The following GLCE variants were observed in gnomAD, a reference collection of about 807,000 sequenced individuals.
GLCE encodes D-glucuronyl C5-epimerase.
In GLCE, 19 loss-of-function variants were observed where a neutral mutation model predicts 47.9. The observed-to-expected ratio is 0.40, with a 90% CI of 0.28 to 0.58. The LOEUF (loss-of-function observed/expected upper bound fraction) is 0.58. Among genes scored for constraint, GLCE ranks in the 20% least tolerant of loss-of-function variants. GLCE has a pLI of 0.48. For missense variants in GLCE, 556 were observed against 743.3 expected, an observed-to-expected ratio of 0.75 and a Z score of 2.93; for synonymous variants, 245 against 263.4, an observed-to-expected ratio of 0.93 and a Z score of 0.68.
chr15:69,263,877 A>G (rs1286953468), intron 4 of GLCE, among the ~76,000 whole-genome samples: 1 of 151,854 alleles, frequency 6.6e-6, no homozygotes, highest in Non-Finnish European at 1.5e-5. Context: ...TTTTTTTCCC[A>G]GCTTTATTGA....
Position 69,194,984 on chromosome 15 carries a change from GA to G in GLCE, c.-104-15331del, listed in dbSNP as rs2051965848. Reference sequence around the variant, plus strand: ...GTTGTGAAAGAAAATAGTGAACTTGGATTCAAAAAAACCTAATTATAGTTCA... The same window carrying G: ...GTTGTGAAAGAAAATAGTGAACTTGGTTCAAAAAAACCTAATTATAGTTCA... On this transcript the variant is annotated intron_variant, in intron 1 of 4. Transcript: ENST00000261858. 2.0e-5 allele frequency among the ~76,000 whole-genome samples: 3 copies of G among 151,974 alleles called. 1 individual carries two copies. The South Asian group carries it at 6.2e-4, about 32-fold the overall frequency.
chr15:69,236,526 G>A (rs1417529645), intron 2 of GLCE, among the ~76,000 whole-genome samples: 2 of 152,170 alleles, frequency 1.3e-5, no homozygotes, highest in African/African-American at 2.4e-5. Context: ...ACTGGACTAA[G>A]ATAAATTTGG....
At chr15:69,205,716 A>C (rs959863029) in intron 1 of GLCE, among the ~76,000 whole-genome samples, 1 of 151,932 alleles carries the variant, frequency 6.6e-6, no homozygotes, top group African/African-American at 2.4e-5. Flanking sequence ...CCTGATAATG[A>C]GTTTCATTTT....
At chr15:69,234,667 CAG>C (rs1216346194) in intron 2 of GLCE, among the ~76,000 whole-genome samples, 2 of 152,102 alleles carry the variant, frequency 1.3e-5, no homozygotes, top group East Asian at 1.9e-4. Context: ...TAAAAACCAA[CAG>C]AAAGTATCTA....
intron 1 of GLCE, among the ~76,000 whole-genome samples, chr15:69,181,223 T>C (rs1312344514): frequency 6.6e-6 from 1 of 152,220 alleles, no homozygotes; most frequent in Non-Finnish European, 1.5e-5. Context: ...TTAGGTATTC[T>C]AAGTGAGATG....
chr15:69,172,654 G>A (rs774879677), intron 1 of GLCE, among the ~76,000 whole-genome samples: 38 of 152,130 alleles, frequency 2.5e-4, no homozygotes, highest in African/African-American at 4.3e-4. Context: ...AGTTACATAG[G>A]TAGGTGGATT....
chr15:69,211,345 G>C (rs1001821323), intron 2 of GLCE, among the ~76,000 whole-genome samples: 1 of 151,950 alleles, frequency 6.6e-6, no homozygotes, highest in Non-Finnish European at 1.5e-5. Flanking sequence ...AATTTAAACT[G>C]AACAAATAAT....
intron 3 of GLCE, 113 bp downstream of exon 3, chr15:69,256,505 C>A (rs189552447): frequency 2.6e-6 from 2 of 766,072 alleles, no homozygotes; most frequent in Admixed American, 2.5e-5. Context: ...GACCTTTCAT[C>A]ACTCTAATTT....
At chr15:69,227,012 T>A (rs1028429713) in intron 2 of GLCE, among the ~76,000 whole-genome samples, 3 of 152,130 alleles carry the variant, frequency 2.0e-5, no homozygotes, top group Admixed American at 1.3e-4. Context: ...CCCAAAGTGC[T>A]GGAATTACAG....
chr15:69,167,398 A>G (rs1473635947), intron 1 of GLCE, among the ~76,000 whole-genome samples: 2 of 152,222 alleles, frequency 1.3e-5, no homozygotes, highest in East Asian at 3.9e-4. Flanking sequence ...ATCATGACAC[A>G]TGGAGACACG....
chr15:69,189,056 T>G (rs77015137), intron 1 of GLCE, among the ~76,000 whole-genome samples: 1 of 152,306 alleles, frequency 6.6e-6, no homozygotes, highest in East Asian at 1.9e-4. Context: ...GTCCATAATT[T>G]ACATTGGGGT....
At chr15:69,164,243 A>C (rs910678564) in intron 1 of GLCE, among the ~76,000 whole-genome samples, 1 of 152,054 alleles carries the variant, frequency 6.6e-6, no homozygotes, top group Non-Finnish European at 1.5e-5. Flanking sequence ...TCATTATTAC[A>C]CTGCTGAAAA....
In GLCE at chr15:69,268,966, G is replaced by T. The variant is rs925086202; in HGVS notation, c.1576G>T (p.Ala526Ser). 1.9e-6 allele frequency: 3 copies of T among 1,614,066 alleles called. No individual in the cohort carries two copies. Among genetic ancestry groups the T allele is most frequent in the Non-Finnish European group, 1.7e-6 (2 of 1,180,024 alleles). The change falls in exon 5 of 5, where the codon GCA becomes TCA. Residue 526 changes from alanine to serine, a missense_variant. By Grantham distance (99) the Ala-to-Ser change is moderately conservative. Around this residue, in one of 3 missense-constraint regions of GLCE, gnomAD observed 245 missense variants for 368.1 expected, o/e 0.67. Coordinates refer to ENST00000261858, the MANE Select transcript of GLCE (RefSeq NM_015554.3). ...TGGGCTGTATGACTTAAAAGAAACT[G>T]CAGGGGAAAAACTCGGAAAAGAAGC... ...LIGLYDLKET[A>S]GEKLGKEARS... is the part of the protein sequence containing the mutation.
At chr15:69,255,709 A>C (rs1461213766) in intron 2 of GLCE, 85 bp from the exon 3 acceptor site, 5 of 591,064 alleles carry the variant, frequency 8.5e-6, no homozygotes, top group Admixed American at 3.6e-5. Flanking sequence ...TTCAACATTA[A>C]AAAAAAAAAA....
rs2051496435 is a variant in GLCE at position 69,166,010 on chromosome 15, C to G, written c.-105+5253C>G. ...TACACTGTTAAACTTGCAGAAAAGT[C>G]TTGTAGAATTTTGAGGCAACTACTA... On this transcript the variant is annotated intron_variant, in intron 1 of 4. Transcript: ENST00000261858. Among the ~76,000 whole-genome samples the G allele has an allele frequency of 2.0e-5, 3 of 152,160 alleles. No homozygotes were observed. In the South Asian group the frequency reaches 6.2e-4, roughly 32 times the overall value.
intron 4 of GLCE, among the ~76,000 whole-genome samples, chr15:69,265,008 C>T (rs1258463505): frequency 1.3e-5 from 2 of 151,888 alleles, no homozygotes; most frequent in Non-Finnish European, 2.9e-5. Context: ...TGATTGTTTC[C>T]CTTGCTGTGC....
At chr15:69,199,950 T>C (rs1030691835) in intron 1 of GLCE, among the ~76,000 whole-genome samples, 6 of 152,178 alleles carry the variant, frequency 3.9e-5, no homozygotes, top group African/African-American at 1.4e-4. Flanking sequence ...CTATCCGTTA[T>C]GATTCCTTAA....
chr15:69,166,259 T>C (rs1290705781), intron 1 of GLCE, among the ~76,000 whole-genome samples: 1 of 152,258 alleles, frequency 6.6e-6, no homozygotes, highest in Non-Finnish European at 1.5e-5. Context: ...TCAGCGTCAT[T>C]ATCTACTAAG....
intron 2 of GLCE, among the ~76,000 whole-genome samples, chr15:69,240,264 ACAGAGCGAG>A (rs1485818277): frequency 0.7 from 103,992 of 148,494 alleles, 37,398 homozygotes; most frequent in Admixed American, 0.78. Flanking sequence ...AGCCTGGGCG[ACAGAGCGAG>A]ACTCCGTCTC....
Sources: allele counts gnomAD v4.1 joint callset (sites outside exome capture counted in the v4.1 genomes callset), GRCh38; gene constraint gnomAD v4.1.1; regional missense constraint gnomAD v4.1.1; transcripts MANE v1.5; gene names NCBI Gene and HGNC (gene_info 2026-07-23, HGNC 2026-07-21).